The following CRISPLD2 variants were observed in gnomAD, a reference collection of about 807,000 sequenced individuals.
CRISPLD2 encodes the protein cysteine rich secretory protein LCCL domain containing 2, also known as cysteine-rich secretory protein LCCL domain-containing 2.
In CRISPLD2, 47 loss-of-function variants were observed where a neutral mutation model predicts 71.1. The observed-to-expected ratio is 0.66, with a 90% CI of 0.52 to 0.84. The LOEUF (loss-of-function observed/expected upper bound fraction) is 0.84, where lower values mean the gene tolerates loss of function less well. CRISPLD2 is among the 40% of genes least tolerant of loss of function. The probability of loss-of-function intolerance (pLI) is 0.00; values close to 1 mark genes in which losing one functional copy is unlikely to be tolerated. For synonymous variants in CRISPLD2, 317 were observed against 250.1 expected (o/e 1.27, Z -2.52); for missense variants, 830 against 651.1 (o/e 1.27, Z -2.99).
chr16:84,862,672 CTT>C lies in CRISPLD2; in HGVS notation c.710-4204_710-4203del, dbSNP rs764630306. On this transcript the variant is annotated intron_variant, in intron 6 of 14. Transcript: ENST00000262424. ...GCTGACCATGCTCGTGTGGCCCAGGCTTTTTTTTTTTTTTTTTTTTTTAACGT... is the reference window on the plus strand; with the variant it reads ...GCTGACCATGCTCGTGTGGCCCAGGCTTTTTTTTTTTTTTTTTTTTAACGT... Among the ~76,000 whole-genome samples, 616 of 99,162 alleles carry C rather than the reference CTT, an allele frequency of 6.2e-3. 12 individuals carry two copies. The highest frequency in any genetic ancestry group is 0.024 in the African/African-American group (576 of 23,622). The allele number at this position is 99,162 out of a possible 152,430, so 65.1% of individuals were successfully genotyped here.
intron 11 of CRISPLD2, 67 bp downstream of exon 11, chr16:84,874,030 C>G (rs1017188578): frequency 1.5e-6 from 2 of 1,366,014 alleles, no homozygotes; most frequent in South Asian, 2.5e-5. Flanking sequence ...GGAAATTTCA[C>G]TTCCTTTAGT....
intron 13 of CRISPLD2, among the ~76,000 whole-genome samples, chr16:84,885,723 G>C (rs2071606854): frequency 6.6e-6 from 1 of 151,966 alleles, no homozygotes; most frequent in Non-Finnish European, 1.5e-5. Context: ...TCTTTGATAT[G>C]AATGTGTGTT....
rs150312232 is a variant in CRISPLD2, at chr16:84,895,212, C to G, written c.1439+5849C>G. Among the ~76,000 whole-genome samples the G allele has an allele frequency of 1.5e-3, 223 of 152,260 alleles. 2 individuals carry two copies. Among genetic ancestry groups the G allele is most frequent in the Middle Eastern group, 0.01 (3 of 294 alleles). ...AGCACAGAGAGGTTAAACGACTTGC[C>G]CAAGGTCACCCAGCCTACCAGGGGC... On this transcript the variant is annotated intron_variant, in intron 14 of 14. Coordinates refer to ENST00000262424, the MANE Select transcript of CRISPLD2 (RefSeq NM_031476.4).
At chr16:84,851,756 A>G (rs937544790) in intron 5 of CRISPLD2, among the ~76,000 whole-genome samples, 5 of 152,200 alleles carry the variant, frequency 3.3e-5, no homozygotes, top group African/African-American at 1.2e-4. Flanking sequence ...TGAATGAGGA[A>G]TCATTTGACT....
chr16:84,872,488 G>A lies in CRISPLD2; in HGVS notation c.961G>A (p.Gly321Arg). Residue 321 changes from glycine (G) to arginine (R), a missense_variant, in exon 9 of 15, where the codon GGA becomes AGA. By Grantham distance (125) the Gly-to-Arg change is moderately radical. Transcript: ENST00000262424. ...GCLNHKAKIF[G>R]TLFYESSSSI... ...CCTGAACCACAAGGCGAAGATCTTT[G>A]GAACTCTGTTCTATGAAAGCGTGAG... The A allele has an allele frequency of 6.2e-7, 1 of 1,613,930 alleles. No individual in the cohort carries two copies. Among genetic ancestry groups the A allele is most frequent in the Non-Finnish European group, 8.5e-7 (1 of 1,179,906 alleles).
intron 12 of CRISPLD2, among the ~76,000 whole-genome samples, chr16:84,879,371 T>TG (rs2071548380): frequency 6.6e-6 from 1 of 151,906 alleles, no homozygotes; most frequent in African/African-American, 2.4e-5. Context: ...CTTTTTTTTT[T>TG]TTTTTTTTGA....
At chr16:84,830,167 A>G (rs1030524556) in intron 1 of CRISPLD2, among the ~76,000 whole-genome samples, 2 of 151,962 alleles carry the variant, frequency 1.3e-5, no homozygotes, top group African/African-American at 2.4e-5. Flanking sequence ...TACTATAAAT[A>G]CAAAATTAGC....
chr16:84,906,325 G>T (rs2071802139), intron 14 of CRISPLD2, among the ~76,000 whole-genome samples: 2 of 152,102 alleles, frequency 1.3e-5, no homozygotes, highest in South Asian at 4.1e-4. Context: ...GGGTCCAGCA[G>T]ATCCCTGAGT....
chr16:84,826,033 G>A (rs1455104964), intron 1 of CRISPLD2, among the ~76,000 whole-genome samples: 2 of 152,124 alleles, frequency 1.3e-5, no homozygotes, highest in Non-Finnish European at 2.9e-5. Context: ...CTTCCCTGGA[G>A]ACCTGGATCA....
chr16:84,860,765 C>A (rs143972681), intron 6 of CRISPLD2, among the ~76,000 whole-genome samples: 1 of 152,178 alleles, frequency 6.6e-6, no homozygotes, highest in East Asian at 1.9e-4. Flanking sequence ...AGACACCTAG[C>A]GAGGTGTCTG....
In CRISPLD2 at chr16:84,854,769, C is replaced by T. The variant is rs1402632786; in HGVS notation, c.649C>T (p.Pro217Ser). The T allele has an allele frequency of 3.7e-6, 6 of 1,614,068 alleles. No homozygotes were observed. The highest frequency in any genetic ancestry group is 4.2e-6 in the Non-Finnish European group (5 of 1,180,036). Reference protein sequence around the residue: ...IGEAPYKNGRPCSECPPSYGG... With the variant: ...IGEAPYKNGRSCSECPPSYGG... Reference sequence around the variant, plus strand: ...AGAAGCCCCCTACAAGAATGGCCGGCCCTGCTCTGAGTGCCCACCCAGCTA... The same window carrying T: ...AGAAGCCCCCTACAAGAATGGCCGGTCCTGCTCTGAGTGCCCACCCAGCTA... Residue 217 changes from proline (P) to serine (S), a missense_variant, in exon 6 of 15, where the codon CCC (proline) becomes TCC (serine). Transcript: ENST00000262424.
At chr16:84,895,931 A>G (rs1009792548) in intron 14 of CRISPLD2, among the ~76,000 whole-genome samples, 1 of 152,156 alleles carries the variant, frequency 6.6e-6, no homozygotes, top group Non-Finnish European at 1.5e-5. Flanking sequence ...AAAAGGGTTA[A>G]CCAGCCCAAG....
intron 2 of CRISPLD2, 113 bp from the exon 3 acceptor site, chr16:84,845,673 G>GA (rs1275805044): frequency 1.3e-6 from 1 of 746,952 alleles, no homozygotes; most frequent in Non-Finnish European, 2.3e-6. Context: ...TACAGCAGCA[G>GA]AGCATTGGCT....
intron 7 of CRISPLD2, among the ~76,000 whole-genome samples, chr16:84,867,750 A>C (rs961512081): frequency 1.3e-5 from 2 of 152,104 alleles, no homozygotes; most frequent in African/African-American, 4.8e-5. Flanking sequence ...TATTTTTAGT[A>C]GAGAAAGGGA....
In CRISPLD2 at chr16:84,854,768, G is replaced by T. The variant is rs746927848; in HGVS notation, c.648G>T (p.Arg216=). 32 of 1,614,060 alleles carry T rather than the reference G, an allele frequency of 2.0e-5. No homozygotes were observed. Among genetic ancestry groups the T allele is most frequent in the Non-Finnish European group, 2.5e-5 (30 of 1,180,032 alleles). Residue 216 remains arginine, a synonymous_variant, in exon 6 of 15, where the codon CGG becomes CGT. Coordinates refer to ENST00000262424, the MANE Select transcript of CRISPLD2 (RefSeq NM_031476.4). ...GAGAAGCCCCCTACAAGAATGGCCGGCCCTGCTCTGAGTGCCCACCCAGCT... is the reference window on the plus strand; with the variant it reads ...GAGAAGCCCCCTACAAGAATGGCCGTCCCTGCTCTGAGTGCCCACCCAGCT... ...WIGEAPYKNG[R]PCSECPPSYG...
At chr16:84,831,793 G>A (rs1023132793) in intron 1 of CRISPLD2, among the ~76,000 whole-genome samples, 1 of 152,194 alleles carries the variant, frequency 6.6e-6, no homozygotes, top group South Asian at 2.1e-4. Flanking sequence ...GGAGTGCAGA[G>A]GCACGATCTC....
At chr16:84,835,064 G>A (rs1240987064) in intron 1 of CRISPLD2, among the ~76,000 whole-genome samples, 1 of 152,088 alleles carries the variant, frequency 6.6e-6, no homozygotes, top group African/African-American at 2.4e-5. Context: ...ACTGGAATGA[G>A]GTGCTGGCCC....
At chr16:84,872,921 G>C (rs1261127558) in intron 9 of CRISPLD2, 71 bp from the exon 10 acceptor site, 3 of 1,536,068 alleles carry the variant, frequency 2.0e-6, no homozygotes, top group Non-Finnish European at 2.6e-6. Context: ...ACAAATGTTT[G>C]GGTATTTCTG....
At chr16:84,885,919 A>G (rs35254673) in intron 13 of CRISPLD2, among the ~76,000 whole-genome samples, 31,368 of 150,148 alleles carry the variant, frequency 0.21, 3,798 homozygotes, top group South Asian at 0.3. Flanking sequence ...CCTGGGCTCA[A>G]GCGATCCTCC....
Sources: gnomAD v4.1 joint callset for allele counts (sites outside exome capture counted in the v4.1 genomes callset) on GRCh38, gnomAD v4.1.1 for gene constraint, MANE v1.5 for transcripts, NCBI Gene and HGNC (gene_info 2026-07-23, HGNC 2026-07-21) for gene names.